Variants in LMNTD1 observed in about 807,000 individuals in gnomAD.
LMNTD1 encodes lamin tail domain containing 1.
A neutral mutation model predicts 50.9 loss-of-function variants in LMNTD1; 35 were observed. The observed-to-expected ratio is 0.69, with a 90% CI of 0.53 to 0.91. LMNTD1 has a LOEUF of 0.91. Among genes scored for constraint, LMNTD1 ranks in the 40% least tolerant of loss-of-function variants. The probability of loss-of-function intolerance (pLI) is 0.00; values close to 1 mark genes in which losing one functional copy is unlikely to be tolerated. For missense variants in LMNTD1, 470 were observed against 475.5 expected (o/e 0.99, Z 0.11); for synonymous variants, 153 against 161.9 (o/e 0.94, Z 0.42).
chr12:25,567,545 G>C (rs1192628615), intron 1 of LMNTD1, among the ~76,000 whole-genome samples: 1 of 152,078 alleles, frequency 6.6e-6, no homozygotes, highest in African/African-American at 2.4e-5. Flanking sequence ...CAGTGTGGAT[G>C]AGGGGCCTAG....
chr12:25,486,424 T>C (rs1938643170), intron 9 of LMNTD1, among the ~76,000 whole-genome samples: 2 of 150,904 alleles, frequency 1.3e-5, no homozygotes, highest in Admixed American at 1.3e-4. Flanking sequence ...TGGGGTTTTC[T>C]AGATATACAA....
At chr12:25,519,610 T>TAAAAAAAAAAAAAAAA (rs1941129712) in intron 7 of LMNTD1, among the ~76,000 whole-genome samples, 1 of 72,460 alleles carries the variant, frequency 1.4e-5, no homozygotes, top group Non-Finnish European at 3.1e-5. Context: ...AAAAAAAAAG[T>TAAAAAAAAAAAAAAAA]GAAATGGCCA....
intron 1 of LMNTD1, among the ~76,000 whole-genome samples, chr12:25,571,662 C>T (rs1234696728): frequency 2.0e-5 from 3 of 151,088 alleles, no homozygotes; most frequent in African/African-American, 4.9e-5. Flanking sequence ...CATTCCCAAC[C>T]TTTTCAAAAA....
intron 1 of LMNTD1, among the ~76,000 whole-genome samples, chr12:25,580,348 C>A (rs1766210130): frequency 6.6e-6 from 1 of 152,116 alleles, no homozygotes; most frequent in African/African-American, 2.4e-5. Context: ...CTGTGGCCAT[C>A]CATACCAGCT....
chr12:25,596,270 A>C (rs1395608866), intron 1 of LMNTD1, among the ~76,000 whole-genome samples: 1 of 152,128 alleles, frequency 6.6e-6, no homozygotes, highest in East Asian at 1.9e-4. Flanking sequence ...GGATATAACC[A>C]AAAAAGAAAA....
Position 25,540,561 on chromosome 12 carries a change from T to C in LMNTD1, c.491+5813A>G, listed in dbSNP as rs1466600788. Among the ~76,000 whole-genome samples, 375 of 139,444 alleles carry C rather than the reference T, an allele frequency of 2.7e-3. 5 individuals are homozygous for C. The highest frequency in any genetic ancestry group is 8.9e-3 in the African/African-American group (350 of 39,264). The allele number at this position is 139,444 out of a possible 152,430, so 91.5% of individuals were successfully genotyped here. The stretch of plus-strand genomic sequence containing the variant: ...TAAAAACTCTCAATAAATTAGGTAT[T>C]GATGGGACATATTTCAAAATGATAA... On this transcript the variant is annotated intron_variant, in intron 4 of 9. Coordinates refer to ENST00000458174, the MANE Select transcript of LMNTD1 (RefSeq NM_001145728.2).
intron 8 of LMNTD1, among the ~76,000 whole-genome samples, chr12:25,509,339 C>T (rs1940078828): frequency 6.6e-6 from 1 of 152,202 alleles, no homozygotes; most frequent in African/African-American, 2.4e-5. Flanking sequence ...AACTCCTGAC[C>T]TCAGGTGATC....
chr12:25,530,646 A>G (rs958800835), intron 4 of LMNTD1, among the ~76,000 whole-genome samples: 5 of 152,084 alleles, frequency 3.3e-5, no homozygotes, highest in African/African-American at 1.2e-4. Context: ...TTTAATTTAT[A>G]TTGTTTTAGA....
At position 25,492,169 on chromosome 12, in the gene LMNTD1, A is replaced by G. The variant is rs138324542; in HGVS notation, c.*22+11569T>C. On this transcript the variant is annotated intron_variant, in intron 9 of 9. Coordinates refer to ENST00000458174, the MANE Select transcript of LMNTD1 (RefSeq NM_001145728.2). ...GAAGAACATATCAGTCAATCTTATG[A>G]ACACATTTTTTCAAAAGTCTTAAGA... Among the ~76,000 whole-genome samples, 561 of 152,356 alleles carry G rather than the reference A, an allele frequency of 3.7e-3. 15 individuals are homozygous for G. Among genetic ancestry groups the G allele is most frequent in the Admixed American group, 0.035 (533 of 15,306 alleles).
chr12:25,541,383 A>G (rs1012289441), intron 4 of LMNTD1, among the ~76,000 whole-genome samples: 5 of 147,858 alleles, frequency 3.4e-5, no homozygotes, highest in Non-Finnish European at 6.0e-5. Flanking sequence ...ATATAGATCA[A>G]TGGAACAGAA....
At chr12:25,576,870 A>C (rs1473158685) in intron 1 of LMNTD1, among the ~76,000 whole-genome samples, 1 of 152,076 alleles carries the variant, frequency 6.6e-6, no homozygotes, top group Non-Finnish European at 1.5e-5. Flanking sequence ...ATTTTTGTAT[A>C]AGGTGTAAGG....
intron 2 of LMNTD1, among the ~76,000 whole-genome samples, chr12:25,550,682 T>C (rs1439790499): frequency 6.6e-6 from 1 of 152,208 alleles, no homozygotes; most frequent in African/African-American, 2.4e-5. Flanking sequence ...AGTTTCCTAC[T>C]CTGCCATCTT....
intron 1 of LMNTD1, among the ~76,000 whole-genome samples, chr12:25,607,226 CTTCT>C (rs1467555098): frequency 6.6e-6 from 1 of 152,066 alleles, no homozygotes; most frequent in African/African-American, 2.4e-5. Context: ...TCTCTCTTTT[CTTCT>C]TTATTAGTCT....
chr12:25,513,455 G>A (rs1940478639), intron 8 of LMNTD1, among the ~76,000 whole-genome samples: 1 of 152,168 alleles, frequency 6.6e-6, no homozygotes, highest in Admixed American at 6.5e-5. Context: ...GGCCAACATG[G>A]CAAAGCCCTG....
intron 1 of LMNTD1, among the ~76,000 whole-genome samples, chr12:25,607,220 T>C (rs1301195422): frequency 1.3e-5 from 2 of 152,242 alleles, no homozygotes; most frequent in African/African-American, 4.8e-5. Flanking sequence ...GATTCTTCTC[T>C]CTTTTCTTCT....
At chr12:25,636,690 A>C (rs1304085239) in intron 1 of LMNTD1, among the ~76,000 whole-genome samples, 1 of 152,206 alleles carries the variant, frequency 6.6e-6, no homozygotes, top group Admixed American at 6.5e-5. Context: ...CATGCATGTT[A>C]ATAGCAGCAC....
chr12:25,579,418 T>A (rs1214061147), intron 1 of LMNTD1, among the ~76,000 whole-genome samples: 1 of 152,154 alleles, frequency 6.6e-6, no homozygotes, highest in Non-Finnish European at 1.5e-5. Context: ...TCACACCATT[T>A]TATATCAGGG....
chr12:25,590,462 G>A (rs937417264), intron 1 of LMNTD1, among the ~76,000 whole-genome samples: 4 of 152,172 alleles, frequency 2.6e-5, no homozygotes, highest in African/African-American at 9.7e-5. Context: ...AAACTTGAAA[G>A]ACAGTCTAGG....
chr12:25,614,498 T>C (rs1249306050), intron 1 of LMNTD1, among the ~76,000 whole-genome samples: 1 of 152,078 alleles, frequency 6.6e-6, no homozygotes, highest in Non-Finnish European at 1.5e-5. Flanking sequence ...AAGATTAGAG[T>C]TTAATCTACC....
Sources: gnomAD v4.1 joint callset for allele counts (sites outside exome capture counted in the v4.1 genomes callset) on GRCh38, gnomAD v4.1.1 for gene constraint, MANE v1.5 for transcripts, NCBI Gene and HGNC (gene_info 2026-07-23, HGNC 2026-07-21) for gene names.